The following COG6 variants were observed in gnomAD, a reference collection of about 807,000 sequenced individuals.
COG6 encodes conserved oligomeric Golgi complex subunit 6.
In COG6, 74 loss-of-function variants were observed where a neutral mutation model predicts 88.8. That is an observed-to-expected ratio of 0.83 (90% CI 0.69 to 1.01). The LOEUF is 1.01. Ranked by LOEUF, COG6 falls within the 50% of genes least tolerant of loss-of-function variation. The pLI is 0.00. For missense variants in COG6, 800 were observed against 797.9 expected (o/e 1.00, Z -0.03); for synonymous variants, 286 against 278.7 (o/e 1.03, Z -0.26).
At position 39,682,131 on chromosome 13, in the gene COG6, G is replaced by T. The variant is rs777292817; in HGVS notation, c.695-40G>T. On this transcript the variant is annotated intron_variant, in intron 7 of 18. Coordinates refer to ENST00000455146, the MANE Select transcript of COG6 (RefSeq NM_020751.3). ...TGCAACAGACATAATAAACATCTAAGCTGAATTTAACAAAAGTTATAATGT... is the reference window on the plus strand; with the variant it reads ...TGCAACAGACATAATAAACATCTAATCTGAATTTAACAAAAGTTATAATGT... The T allele has an allele frequency of 8.7e-6, 12 of 1,385,486 alleles. 1 individual carries two copies. In the South Asian group the frequency reaches 1.4e-4, roughly 16 times the overall value. 85.8% of individuals were successfully genotyped at this position (1,385,486 alleles called of 1,614,324 possible).
At chr13:39,784,185 A>G (rs1427873842) in intron 18 of COG6, among the ~76,000 whole-genome samples, 4 of 152,186 alleles carry the variant, frequency 2.6e-5, no homozygotes, top group African/African-American at 9.6e-5. Context: ...GCTTCTATTC[A>G]TGGAACACTT....
intron 4 of COG6, among the ~76,000 whole-genome samples, chr13:39,668,927 T>C (rs553303161): frequency 6.6e-6 from 1 of 152,368 alleles, no homozygotes; most frequent in South Asian, 2.1e-4. Context: ...TATCTACCTG[T>C]CTTATTCAGA....
At chr13:39,706,255 T>TTATATATATA (rs71298976) in intron 13 of COG6, among the ~76,000 whole-genome samples, 2,937 of 114,566 alleles carry the variant, frequency 0.026, 150 homozygotes, top group East Asian at 0.048. Context: ...ATATACTCCT[T>TTATATATATA]TATATATATA....
chr13:39,749,383 CAT>C (rs2138144886), intron 18 of COG6, among the ~76,000 whole-genome samples: 1 of 152,274 alleles, frequency 6.6e-6, no homozygotes, highest in African/African-American at 2.4e-5. Flanking sequence ...ACATGAACAA[CAT>C]GTATTTCTGT....
chr13:39,747,873 C>CAATACTACATTTACAAGTTA (rs1240992685), intron 18 of COG6, among the ~76,000 whole-genome samples: 4 of 152,170 alleles, frequency 2.6e-5, no homozygotes, highest in African/African-American at 4.8e-5. Context: ...GAAGTTTCAA[C>CAATACTACATTTACAAGTTA]AATACTACAT....
chr13:39,698,708 G>A (rs948313728), intron 12 of COG6, among the ~76,000 whole-genome samples: 1 of 151,758 alleles, frequency 6.6e-6, no homozygotes, highest in African/African-American at 2.4e-5. Flanking sequence ...GGAAGATGTT[G>A]TTATGCCTTT....
At chr13:39,710,186 G>C (rs1053325800) in intron 13 of COG6, among the ~76,000 whole-genome samples, 1 of 151,976 alleles carries the variant, frequency 6.6e-6, no homozygotes, top group Non-Finnish European at 1.5e-5. Flanking sequence ...ACCTTTCATA[G>C]TGTTCAGGCC....
At chr13:39,787,832 G>A (rs1881822311) in intron 18 of COG6, among the ~76,000 whole-genome samples, 1 of 152,120 alleles carries the variant, frequency 6.6e-6, no homozygotes, top group Non-Finnish European at 1.5e-5. Context: ...AAAGTATTCG[G>A]GAAGATGTGT....
At chr13:39,721,901 G>T (rs1011852547) in intron 15 of COG6, among the ~76,000 whole-genome samples, 6 of 151,900 alleles carry the variant, frequency 3.9e-5, no homozygotes, top group African/African-American at 1.5e-4. Flanking sequence ...TGTTTTCCCA[G>T]GATATTTTTG....
intron 3 of COG6, among the ~76,000 whole-genome samples, 198 bp from the exon 4 acceptor site, chr13:39,664,898 A>G (rs1048165597): frequency 3.3e-5 from 5 of 152,136 alleles, no homozygotes; most frequent in African/African-American, 1.2e-4. Context: ...CCTTAGCATT[A>G]TGTGTATATT....
chr13:39,737,053 G>T (rs1445897339), intron 18 of COG6, among the ~76,000 whole-genome samples: 3 of 152,174 alleles, frequency 2.0e-5, no homozygotes, highest in Admixed American at 6.5e-5. Context: ...AAGCCCTGTG[G>T]CTCTTGCAGA....
chr13:39,725,888 C>A (rs1317393065), intron 17 of COG6, among the ~76,000 whole-genome samples: 1 of 151,898 alleles, frequency 6.6e-6, no homozygotes, highest in Non-Finnish European at 1.5e-5. Flanking sequence ...GATCTATGCT[C>A]ACACTTAGAT....
chr13:39,746,221 TTAAAG>T (rs1226554803), intron 18 of COG6, among the ~76,000 whole-genome samples: 6 of 151,574 alleles, frequency 4.0e-5, no homozygotes, highest in Non-Finnish European at 5.9e-5. Context: ...ACCCTAGAAC[TTAAAG>T]TATCATTAAA....
chr13:39,758,698 T>C (rs1430993936), intron 18 of COG6, among the ~76,000 whole-genome samples: 2 of 152,294 alleles, frequency 1.3e-5, no homozygotes, highest in East Asian at 3.9e-4. Flanking sequence ...AAAAGAGTTA[T>C]GATATGACCT....
At chr13:39,782,712 C>T (rs1218145061) in intron 18 of COG6, among the ~76,000 whole-genome samples, 1 of 152,206 alleles carries the variant, frequency 6.6e-6, no homozygotes, top group Non-Finnish European at 1.5e-5. Context: ...CAGGGGCTGC[C>T]TCCCCCCATC....
At chr13:39,723,509 A>G (rs1369708469) in intron 16 of COG6, 69 bp downstream of exon 16, 2 of 904,898 alleles carry the variant, frequency 2.2e-6, no homozygotes, top group East Asian at 4.9e-5. Flanking sequence ...CTAGAGCTGC[A>G]CTCTGGATTC....
chr13:39,787,908 C>T (rs1881825346), intron 18 of COG6, among the ~76,000 whole-genome samples: 1 of 152,152 alleles, frequency 6.6e-6, no homozygotes, highest in South Asian at 2.1e-4. Flanking sequence ...ATTTTGGTAT[C>T]TGTGGGGATC....
chr13:39,726,799 A>T (rs1879157346), intron 17 of COG6, among the ~76,000 whole-genome samples: 1 of 151,888 alleles, frequency 6.6e-6, no homozygotes, highest in Non-Finnish European at 1.5e-5. Context: ...CTCCCCACCC[A>T]TCAATCCACT....
intron 18 of COG6, among the ~76,000 whole-genome samples, chr13:39,746,372 A>G (rs1880354325): frequency 6.6e-6 from 1 of 152,138 alleles, no homozygotes; most frequent in Non-Finnish European, 1.5e-5. Flanking sequence ...TCAAAATAGT[A>G]AGTAAGTAAA....
Sources: allele counts gnomAD v4.1 joint callset (sites outside exome capture counted in the v4.1 genomes callset), GRCh38; gene constraint gnomAD v4.1.1; transcripts MANE v1.5; gene names NCBI Gene and HGNC (gene_info 2026-07-23, HGNC 2026-07-21).